The following DDX59 variants were observed in gnomAD, a reference collection of about 807,000 sequenced individuals.
DDX59 encodes the protein DEAD-box helicase 59, also known as probable ATP-dependent RNA helicase DDX59.
In DDX59, 30 loss-of-function variants were observed where a neutral mutation model predicts 51.9. The ratio of observed to expected loss-of-function variants is 0.58; its 90% confidence interval spans 0.43 to 0.78. The LOEUF (loss-of-function observed/expected upper bound fraction) is 0.78, where lower values mean the gene tolerates loss of function less well. Ranked by LOEUF, DDX59 falls within the 30% of genes least tolerant of loss-of-function variation. The probability of loss-of-function intolerance (pLI) is 0.00; values close to 1 mark genes in which losing one functional copy is unlikely to be tolerated. For synonymous variants in DDX59, 255 were observed against 253.3 expected (o/e 1.01, Z -0.06); for missense variants, 672 against 730.8 (o/e 0.92, Z 0.93).
downstream of DDX59, among the ~76,000 whole-genome samples, chr1:200,643,237 G>GA (rs1364283601): frequency 1.3e-5 from 2 of 151,944 alleles, no homozygotes; most frequent in African/African-American, 4.8e-5. Context: ...AGTGAGCCAT[G>GA]ATCATGCCAC....
chr1:200,644,554 A>G, intron 7 of DDX59, 37 bp from the exon 8 acceptor site: 3 of 1,533,438 alleles, frequency 2.0e-6, no homozygotes, highest in South Asian at 2.6e-5. Context: ...CAAGATGTCC[A>G]TGTAAAATCT....
chr1:200,661,936 G>A (rs533527828), intron 3 of DDX59, among the ~76,000 whole-genome samples: 1 of 152,244 alleles, frequency 6.6e-6, no homozygotes, highest in Admixed American at 6.5e-5. Flanking sequence ...CCTTGGTGCT[G>A]TCATCATGAT....
At chr1:200,661,931 G>A (rs1184986836) in intron 3 of DDX59, among the ~76,000 whole-genome samples, 1 of 152,084 alleles carries the variant, frequency 6.6e-6, no homozygotes, top group Non-Finnish European at 1.5e-5. Context: ...CTTCCCCTTG[G>A]TGCTGTCATC....
In DDX59 at chr1:200,666,330, TAGA is replaced by T. The variant is rs769594366; in HGVS notation, c.408_410del (p.Leu137del). On this transcript the variant is annotated inframe_deletion, in exon 2 of 8. Coordinates refer to ENST00000331314, the MANE Select transcript of DDX59 (RefSeq NM_001031725.6). ...ATTTCTCTTCCTTTTCCTTAACTTG[TAGA>T]AGATGTTTCGCTTTACACTCCAAAC... The T allele has an allele frequency of 4.7e-5, 76 of 1,614,120 alleles. No individual in the cohort carries two copies. The highest frequency in any genetic ancestry group is 5.9e-5 in the Non-Finnish European group (70 of 1,180,054).
intron 5 of DDX59, 63 bp downstream of exon 5, chr1:200,650,357 ATTCTC>A (rs1661576968): frequency 6.8e-7 from 1 of 1,461,400 alleles, no homozygotes; most frequent in African/African-American, 1.4e-5. Context: ...TCTCAAAATC[ATTCTC>A]TTAAGAGCTG....
intron 3 of DDX59, 39 bp from the exon 4 acceptor site, chr1:200,659,155 A>C: frequency 6.8e-7 from 1 of 1,481,026 alleles, no homozygotes; most frequent in South Asian, 1.1e-5. Flanking sequence ...AAAATCAGTA[A>C]TAGCTATTTT....
At chr1:200,649,502 G>A (rs1003662513) in intron 5 of DDX59, among the ~76,000 whole-genome samples, 22 of 151,318 alleles carry the variant, frequency 1.5e-4, no homozygotes, top group African/African-American at 4.1e-4. Context: ...GGTGGCAGGC[G>A]CCTGTAACCC....
intron 4 of DDX59, among the ~76,000 whole-genome samples, chr1:200,652,705 T>C (rs1661745245): frequency 6.7e-6 from 1 of 148,182 alleles, no homozygotes; most frequent in East Asian, 2.0e-4. Flanking sequence ...GGTCTTGCTC[T>C]GTCGCCAGGC....
At position 200,663,968 on chromosome 1, in the gene DDX59, C is replaced by A; in HGVS notation, c.923G>T (p.Gly308Val). The change falls in exon 3 of 8, where the codon GGG becomes GTG. Residue 308 changes from glycine to valine, a missense_variant. Gly to Val is a moderately radical substitution (Grantham distance 109). Coordinates refer to ENST00000331314, the MANE Select transcript of DDX59 (RefSeq NM_001031725.6). The part of the protein sequence containing the change: ...LPRMKTVLLV[G>V]GLPLPPQLYR... The stretch of plus-strand genomic sequence containing the variant: ...AAGCTGTGGGGGTAAGGGTAAGCCC[C>A]CTACAAGAAGCACAGTTTTCATGCG... The A allele has an allele frequency of 1.2e-6, 2 of 1,614,168 alleles. No homozygotes were observed. Among genetic ancestry groups the A allele is most frequent in the Non-Finnish European group, 8.5e-7 (1 of 1,180,032 alleles).
At position 200,644,487 on chromosome 1, in the gene DDX59, CATTTTGACCTA is replaced by C; in HGVS notation, c.1616_1626del (p.Leu539TrpfsTer9). ...TTATTGATGAAAGTAATCGCTGTTC[CATTTTGACCTA>C]ATCTTCCTACTCTTCCAATCTGAAA... On this transcript the variant is annotated frameshift_variant, in exon 8 of 8. Coordinates refer to ENST00000331314, the MANE Select transcript of DDX59 (RefSeq NM_001031725.6). LOFTEE classifies it high-confidence loss of function. 1 of 1,593,352 alleles carries C rather than the reference CATTTTGACCTA, an allele frequency of 6.3e-7. No individual in the cohort carries two copies. Among genetic ancestry groups the C allele is most frequent in the Non-Finnish European group, 8.5e-7 (1 of 1,170,070 alleles).
downstream of DDX59, chr1:200,641,113 T>C (rs1371393701): frequency 7.9e-7 from 1 of 1,260,252 alleles, no homozygotes. Context: ...GAAAGTCACC[T>C]TGGATGACAC....
chr1:200,641,293 A>G, downstream of DDX59: 4 of 1,166,594 alleles, frequency 3.4e-6, no homozygotes, highest in Non-Finnish European at 4.6e-6. Flanking sequence ...ACTGGAAAAT[A>G]TGACAGGTCG....
intron 2 of DDX59, among the ~76,000 whole-genome samples, chr1:200,665,608 C>T (rs1389603275): frequency 3.9e-5 from 6 of 152,122 alleles, no homozygotes; most frequent in Admixed American, 3.9e-4. Flanking sequence ...CAAACTGTAG[C>T]TCGTCTGGTC....
At chr1:200,648,144 C>G (rs1044634290) in intron 7 of DDX59, among the ~76,000 whole-genome samples, 5 of 151,742 alleles carry the variant, frequency 3.3e-5, no homozygotes, top group Non-Finnish European at 5.9e-5. Flanking sequence ...CTGCCTCAGC[C>G]TCCTGAGTAG....
chr1:200,667,600 ATAT>A (rs1662855441), intron 1 of DDX59, among the ~76,000 whole-genome samples: 1 of 152,326 alleles, frequency 6.6e-6, no homozygotes, highest in East Asian at 1.9e-4. Context: ...GAAGTATCAG[ATAT>A]TATAGAAATT....
At chr1:200,661,274 T>C (rs1662356951) in intron 3 of DDX59, among the ~76,000 whole-genome samples, 1 of 152,184 alleles carries the variant, frequency 6.6e-6, no homozygotes, top group Non-Finnish European at 1.5e-5. Context: ...CAGGAAGCTG[T>C]GAGTCCATAC....
intron 7 of DDX59, among the ~76,000 whole-genome samples, chr1:200,648,191 A>G (rs1212201451): frequency 6.6e-6 from 1 of 151,074 alleles, no homozygotes; most frequent in African/African-American, 2.4e-5. Flanking sequence ...ACCAGGCTAA[A>G]TTTTTTTTGT....
At position 200,648,562 on chromosome 1, in the gene DDX59, T is replaced by A. The variant is rs1571612919; in HGVS notation, c.1473A>T (p.Leu491Phe). 2 of 1,607,346 alleles carry A rather than the reference T, an allele frequency of 1.2e-6. No homozygotes were observed. Among genetic ancestry groups the A allele is most frequent in the African/African-American group, 2.7e-5 (2 of 74,706 alleles). ...CTACAACTTCATAGTCTCCTTCAAG[T>A]AATCCCTTTCCAAAAAAGCAACAAA... ...QIERKNILKGLLEGDYEVVVS... is the reference protein window; with the variant it reads ...QIERKNILKGFLEGDYEVVVS... The change falls in exon 7 of 8, where the codon TTA becomes TTT. Residue 491 changes from leucine (L) to phenylalanine (F), a missense_variant. By Grantham distance (22) the Leu-to-Phe change is conservative. Transcript: ENST00000331314.
At chr1:200,641,190 A>G (rs911248087), downstream of DDX59, 5 of 1,304,764 alleles carry the variant, frequency 3.8e-6, no homozygotes, top group African/African-American at 7.6e-5. Flanking sequence ...AGTAGACTGT[A>G]TAACAAGGCA....
Sources: gnomAD v4.1 joint callset for allele counts (sites outside exome capture counted in the v4.1 genomes callset) on GRCh38, gnomAD v4.1.1 for gene constraint, MANE v1.5 for transcripts, NCBI Gene and HGNC (gene_info 2026-07-23, HGNC 2026-07-21) for gene names.